Variants in MTA3 observed in about 807,000 individuals in gnomAD.
MTA3 encodes metastasis-associated protein MTA3.
Under a neutral mutation model 83.5 loss-of-function variants are expected in MTA3, and 34 were observed. That is an observed-to-expected ratio of 0.41 (90% CI 0.31 to 0.54). The LOEUF (loss-of-function observed/expected upper bound fraction) is 0.54. Among genes scored for constraint, MTA3 ranks in the 20% least tolerant of loss-of-function variants. The pLI, the probability that MTA3 is intolerant of heterozygous loss-of-function variation, is 0.33. For missense variants in MTA3, 761 were observed against 726.4 expected, an observed-to-expected ratio of 1.05 and a Z score of -0.55; for synonymous variants, 303 against 252.7, an observed-to-expected ratio of 1.20 and a Z score of -1.89.
chr2:42,521,167 C>T (rs560967685), intron 2 of MTA3, among the ~76,000 whole-genome samples: 10 of 152,184 alleles, frequency 6.6e-5, no homozygotes, highest in Non-Finnish European at 1.5e-4. Context: ...AGCCTGTGGC[C>T]TCTTTCTTGG....
intron 2 of MTA3, among the ~76,000 whole-genome samples, chr2:42,553,244 T>G (rs559537490): frequency 7.4e-4 from 111 of 149,936 alleles, no homozygotes; most frequent in Non-Finnish European, 1.4e-3. Context: ...GCTAACGCGG[T>G]GAAACCCGTC....
rs35808147 is a variant in MTA3 at position 42,585,476 on chromosome 2, C to CTTT, written c.190+6292_190+6294dup. 2.4e-4 allele frequency among the ~76,000 whole-genome samples: 28 copies of CTTT among 119,012 alleles called. No homozygotes were observed. The South Asian group carries it at 7.4e-3, about 31-fold the overall frequency. The allele number at this position is 119,012 out of a possible 152,430, so 78.1% of individuals were successfully genotyped here. ...CAAATGATTCTTTTTTCTTTCTTTTCTTTTTTTTTTTTTTTTTTGAGACAG... is the reference window on the plus strand; with the variant it reads ...CAAATGATTCTTTTTTCTTTCTTTTCTTTTTTTTTTTTTTTTTTTTTGAGACAG... On this transcript the variant is annotated intron_variant, in intron 3 of 16. Transcript: ENST00000405094.
At chr2:42,621,837 G>A (rs1685581742) in intron 4 of MTA3, among the ~76,000 whole-genome samples, 1 of 149,296 alleles carries the variant, frequency 6.7e-6, no homozygotes, top group African/African-American at 2.5e-5. Context: ...GGGCAGAGGC[G>A]CTCCCCACAT....
chr2:42,695,712 C>T, intron 9 of MTA3, 53 bp from the exon 10 acceptor site: 11 of 933,240 alleles, frequency 1.2e-5, no homozygotes, highest in South Asian at 5.4e-5. Context: ...TTATTTTCAT[C>T]TCATTTTATT....
chr2:42,523,986 G>GA (rs1272561101), intron 2 of MTA3, among the ~76,000 whole-genome samples: 4 of 151,416 alleles, frequency 2.6e-5, no homozygotes, highest in Admixed American at 1.3e-4. Flanking sequence ...TTTTTAAAAA[G>GA]AAAAAAAACC....
intron 2 of MTA3, among the ~76,000 whole-genome samples, chr2:42,512,210 G>A (rs767830948): frequency 2.6e-5 from 4 of 151,632 alleles, no homozygotes; most frequent in African/African-American, 9.7e-5. Context: ...TTTTTGAAAG[G>A]GATTTGGAGA....
intron 16 of MTA3, among the ~76,000 whole-genome samples, chr2:42,740,061 T>G (rs1668916251): frequency 6.6e-6 from 1 of 152,202 alleles, no homozygotes; most frequent in Non-Finnish European, 1.5e-5. Flanking sequence ...TATTTTGGCC[T>G]CCTCCCATGA....
chr2:42,610,004 G>T (rs1418640539), intron 4 of MTA3, among the ~76,000 whole-genome samples: 2 of 152,186 alleles, frequency 1.3e-5, no homozygotes, highest in East Asian at 3.8e-4. Flanking sequence ...GGAGGCTGAG[G>T]CAGGAGAATT....
At chr2:42,650,194 C>T (rs1011756851) in intron 6 of MTA3, among the ~76,000 whole-genome samples, 6 of 152,142 alleles carry the variant, frequency 3.9e-5, no homozygotes, top group Non-Finnish European at 7.3e-5. Context: ...CAATTTTGTC[C>T]TCCAGGAGAA....
intron 2 of MTA3, among the ~76,000 whole-genome samples, chr2:42,527,859 G>A (rs897065961): frequency 6.6e-6 from 1 of 150,910 alleles, no homozygotes; most frequent in African/African-American, 2.4e-5. Context: ...GCTATTTCTC[G>A]AACATAGTAA....
At chr2:42,606,305 G>C (rs924660149) in intron 3 of MTA3, among the ~76,000 whole-genome samples, 16 of 149,294 alleles carry the variant, frequency 1.1e-4, no homozygotes, top group African/African-American at 3.4e-4. Flanking sequence ...TTCCCAGATC[G>C]GGTGGCTGCC....
intron 4 of MTA3, among the ~76,000 whole-genome samples, chr2:42,628,287 A>G (rs1016048773): frequency 5.3e-5 from 8 of 150,446 alleles, no homozygotes; most frequent in South Asian, 2.1e-4. Context: ...CTGGAGTGCA[A>G]TGGCGTGATC....
intron 3 of MTA3, among the ~76,000 whole-genome samples, chr2:42,601,677 G>A (rs994322099): frequency 7.4e-5 from 11 of 148,054 alleles, no homozygotes; most frequent in Admixed American, 5.4e-4. Context: ...TTCACGCCAC[G>A]AAGCCCACCT....
chr2:42,669,631 T>G (rs1205874800), intron 8 of MTA3, among the ~76,000 whole-genome samples: 2 of 152,172 alleles, frequency 1.3e-5, no homozygotes, highest in African/African-American at 2.4e-5. Flanking sequence ...GCAATAATAT[T>G]CTACATTACA....
intron 2 of MTA3, chr2:42,511,886 G>C (rs565623001): frequency 4.6e-5 from 7 of 151,956 alleles, no homozygotes; most frequent in Admixed American, 3.9e-4. Flanking sequence ...GCGTCGTGGC[G>C]TGTGCCTGTA....
At position 42,583,631 on chromosome 2, in the gene MTA3, C is replaced by T. The variant is rs1485322668; in HGVS notation, c.190+4431C>T. Among the ~76,000 whole-genome samples, 5 of 151,750 alleles carry T rather than the reference C, an allele frequency of 3.3e-5. No homozygotes were observed. In the East Asian group the frequency reaches 9.7e-4, roughly 29 times the overall value. On this transcript the variant is annotated intron_variant, in intron 3 of 16. Transcript: ENST00000405094. Reference sequence around the variant, plus strand: ...TCACTGCAGCCTTCCCTGGTTCAAGCAATTCTCATGCCTCAGCCTCCCGAA... The same window carrying T: ...TCACTGCAGCCTTCCCTGGTTCAAGTAATTCTCATGCCTCAGCCTCCCGAA...
intron 4 of MTA3, among the ~76,000 whole-genome samples, chr2:42,638,781 C>A (rs1687426525): frequency 6.6e-6 from 1 of 151,286 alleles, no homozygotes; most frequent in South Asian, 2.1e-4. Context: ...ATAAACACTT[C>A]CAGTAACCAC....
At chr2:42,610,475 C>G (rs563100676) in intron 4 of MTA3, among the ~76,000 whole-genome samples, 1 of 152,174 alleles carries the variant, frequency 6.6e-6, no homozygotes, top group Admixed American at 6.6e-5. Context: ...ATGGACCACC[C>G]TTCCATTAAT....
At chr2:42,594,325 C>T (rs530943363) in intron 3 of MTA3, among the ~76,000 whole-genome samples, 4 of 149,974 alleles carry the variant, frequency 2.7e-5, no homozygotes, top group East Asian at 2.0e-4. Flanking sequence ...CAACCTCTGC[C>T]TCCCGGGCTC....
Sources: gnomAD v4.1 joint callset for allele counts (sites outside exome capture counted in the v4.1 genomes callset) on GRCh38, gnomAD v4.1.1 for gene constraint, MANE v1.5 for transcripts, NCBI Gene and HGNC (gene_info 2026-07-23, HGNC 2026-07-21) for gene names.